PLEKHH2: variants seen among roughly 807,000 people sequenced by gnomAD.
PLEKHH2 encodes the protein pleckstrin homology domain-containing family H member 2.
PLEKHH2 carries 129 observed loss-of-function variants against 187.9 expected under a neutral mutation model. The ratio of observed to expected loss-of-function variants is 0.69; its 90% CI spans 0.59 to 0.79. The LOEUF is 0.79. Ranked by LOEUF, PLEKHH2 falls within the 30% of genes least tolerant of loss-of-function variation. The pLI is 0.00. For synonymous variants in PLEKHH2, 686 were observed against 605.6 expected (o/e 1.13, Z -1.95); for missense variants, 2,076 against 1,751.2 (o/e 1.19, Z -3.31).
At chr2:43,712,735 A>G (rs138178282) in intron 15 of PLEKHH2, among the ~76,000 whole-genome samples, 2 of 152,160 alleles carry the variant, frequency 1.3e-5, no homozygotes, top group Admixed American at 1.3e-4. Flanking sequence ...ATGAACACCA[A>G]TTGGGGGAAA....
intron 22 of PLEKHH2, 33 bp from the exon 23 acceptor site, chr2:43,743,801 T>C (rs1043886630): frequency 2.1e-5 from 33 of 1,574,738 alleles, no homozygotes; most frequent in South Asian, 1.1e-4. Flanking sequence ...ATATATTTCT[T>C]ATTAAGAGAA....
chr2:43,684,808 A>G (rs952626325), intron 3 of PLEKHH2, among the ~76,000 whole-genome samples: 9 of 139,710 alleles, frequency 6.4e-5, no homozygotes, highest in African/African-American at 2.6e-4. Context: ...ACATACTGCT[A>G]CTCCCATTAC....
At chr2:43,707,624 A>T in intron 11 of PLEKHH2, 79 bp downstream of exon 11, 1 of 1,520,344 alleles carries the variant, frequency 6.6e-7, no homozygotes, top group East Asian at 2.3e-5. Flanking sequence ...CCATTACAGG[A>T]TTATTTTTTA....
chr2:43,694,197 T>G (rs1044392542), intron 4 of PLEKHH2, among the ~76,000 whole-genome samples: 20 of 152,224 alleles, frequency 1.3e-4, no homozygotes, highest in Non-Finnish European at 2.2e-4. Flanking sequence ...GTATGATCTT[T>G]CAGAGAAAGA....
At chr2:43,691,687 A>C (rs1046429477) in intron 3 of PLEKHH2, among the ~76,000 whole-genome samples, 1 of 147,428 alleles carries the variant, frequency 6.8e-6, no homozygotes, top group South Asian at 2.1e-4. Flanking sequence ...TTCTTTTTTT[A>C]AAAAAACATA....
At chr2:43,704,354 C>A (rs1012906778) in intron 9 of PLEKHH2, among the ~76,000 whole-genome samples, 3 of 152,184 alleles carry the variant, frequency 2.0e-5, no homozygotes, top group African/African-American at 7.2e-5. Flanking sequence ...CATTACTGAA[C>A]TGTACAATTA....
At chr2:43,730,266 G>A (rs1464320429) in intron 18 of PLEKHH2, among the ~76,000 whole-genome samples, 1 of 152,146 alleles carries the variant, frequency 6.6e-6, no homozygotes, top group Admixed American at 6.5e-5. Context: ...TTCTTTGTGA[G>A]TTTTTTGTTT....
chr2:43,698,607 A>C (rs923174358), intron 7 of PLEKHH2, among the ~76,000 whole-genome samples: 3 of 151,850 alleles, frequency 2.0e-5, no homozygotes, highest in African/African-American at 7.3e-5. Flanking sequence ...CCTTTTTCTA[A>C]TAGTGGAGTA....
At chr2:43,668,117 C>G (rs1667308895) in intron 2 of PLEKHH2, among the ~76,000 whole-genome samples, 1 of 152,162 alleles carries the variant, frequency 6.6e-6, no homozygotes, top group African/African-American at 2.4e-5. Flanking sequence ...ACTGCAACCT[C>G]TGCCACCCGG....
rs771309700 is a variant in PLEKHH2 at position 43,710,239 on chromosome 2, G to T, written c.2123G>T (p.Gly708Val). Residue 708 changes from glycine to valine, a missense_variant, in exon 13 of 30, where the codon GGT becomes GTT. Physicochemically the swap from Gly to Val is moderately radical, Grantham distance 109. Coordinates refer to ENST00000282406, the MANE Select transcript of PLEKHH2 (RefSeq NM_172069.4). Reference sequence around the variant, plus strand: ...AATTAGGAACCACTGGAAAAATCTGGTTATTTATTAAAAATGAGTGGTAAA... The same window carrying T: ...AATTAGGAACCACTGGAAAAATCTGTTTATTTATTAAAAATGAGTGGTAAA... ...NGKNEPLEKS[G>V]YLLKMSGKVK... The T allele has an allele frequency of 4.3e-6, 7 of 1,613,914 alleles. No individual in the cohort carries two copies. Among genetic ancestry groups the T allele is most frequent in the Non-Finnish European group, 5.9e-6 (7 of 1,179,970 alleles).
intron 15 of PLEKHH2, among the ~76,000 whole-genome samples, chr2:43,715,154 T>C (rs560383393): frequency 6.6e-6 from 1 of 152,058 alleles, no homozygotes; most frequent in Admixed American, 6.6e-5. Context: ...CGGGCACCTG[T>C]AATCCCAGCT....
intron 2 of PLEKHH2, among the ~76,000 whole-genome samples, chr2:43,676,621 C>G (rs930366807): frequency 6.6e-6 from 1 of 152,022 alleles, no homozygotes; most frequent in Non-Finnish European, 1.5e-5. Context: ...TAAAGTGAGC[C>G]AGACATCAGC....
intron 25 of PLEKHH2, among the ~76,000 whole-genome samples, chr2:43,756,492 T>C (rs987161089): frequency 6.6e-6 from 1 of 152,082 alleles, no homozygotes; most frequent in Non-Finnish European, 1.5e-5. Flanking sequence ...TTTCATCTTA[T>C]TATCAGCAAT....
At chr2:43,721,534 TG>T (rs1294051618) in intron 16 of PLEKHH2, among the ~76,000 whole-genome samples, 2 of 152,174 alleles carry the variant, frequency 1.3e-5, no homozygotes, top group Non-Finnish European at 2.9e-5. Flanking sequence ...TTAAAATACA[TG>T]CCGTTATACT....
chr2:43,763,674 G>A (rs890005354), intron 28 of PLEKHH2, among the ~76,000 whole-genome samples: 2 of 150,990 alleles, frequency 1.3e-5, no homozygotes, highest in African/African-American at 2.4e-5. Context: ...AGCCTCAGGC[G>A]TGAGCCATCA....
intron 1 of PLEKHH2, among the ~76,000 whole-genome samples, chr2:43,644,388 A>G (rs1268376206): frequency 1.3e-5 from 2 of 152,098 alleles, no homozygotes; most frequent in Admixed American, 6.6e-5. Context: ...TGTTGTCAAC[A>G]TGCCCCCTTT....
Position 43,765,511 on chromosome 2 carries a change from C to G in PLEKHH2, c.4395C>G (p.Ala1465=). The change falls in exon 30 of 30, where the codon GCC becomes GCG. Residue 1465 remains alanine, a synonymous_variant. Coordinates refer to ENST00000282406, the MANE Select transcript of PLEKHH2 (RefSeq NM_172069.4). ...TCTCTGCTCCAGCACTGCTCTCAGCCCAGACCCGGGGACCCCAAGCCAGAA... is the reference window on the plus strand; with the variant it reads ...TCTCTGCTCCAGCACTGCTCTCAGCGCAGACCCGGGGACCCCAAGCCAGAA... The part of the protein sequence containing the change: ...HHLSAPALLS[A]QTRGPQARMM... 6.2e-7 allele frequency: 1 copy of G among 1,614,106 alleles called. No individual in the cohort carries two copies. The highest frequency in any genetic ancestry group is 8.5e-7 in the Non-Finnish European group (1 of 1,180,008).
intron 29 of PLEKHH2, among the ~76,000 whole-genome samples, chr2:43,764,843 C>G (rs1672562500): frequency 6.6e-6 from 1 of 152,148 alleles, no homozygotes; most frequent in Admixed American, 6.5e-5. Context: ...TTTAACATCT[C>G]TAAGTAAAAG....
chr2:43,655,190 AAATAAT>A (rs999038576), intron 2 of PLEKHH2, among the ~76,000 whole-genome samples: 4 of 151,524 alleles, frequency 2.6e-5, no homozygotes, highest in Non-Finnish European at 5.9e-5. Context: ...AATAAAAATA[AAATAAT>A]AATAATAATA....
Sources: gnomAD v4.1 joint callset for allele counts (sites outside exome capture counted in the v4.1 genomes callset) on GRCh38, gnomAD v4.1.1 for gene constraint, MANE v1.5 for transcripts, NCBI Gene and HGNC (gene_info 2026-07-23, HGNC 2026-07-21) for gene names.